Variants in ZNF160 observed in about 807,000 individuals in gnomAD.
The protein encoded by ZNF160 is KRAB zinc finger protein KR18.
A neutral mutation model predicts 13.1 loss-of-function variants in ZNF160; 9 were observed. The observed-to-expected ratio is 0.69, with a 90% CI of 0.41 to 1.20. The LOEUF (loss-of-function observed/expected upper bound fraction) is 1.20, where lower values mean the gene tolerates loss of function less well. Among genes scored for constraint, ZNF160 ranks in the 50% most tolerant of loss-of-function variants. The pLI is 0.01. For synonymous variants in ZNF160, 293 were observed against 333.2 expected (o/e 0.88, Z 1.31); for missense variants, 838 against 988.0 (o/e 0.85, Z 2.04).
intron 3 of ZNF160, chr19:53,085,375 C>T (rs2084792028): frequency 9.8e-6 from 2 of 204,846 alleles, no homozygotes; most frequent in African/African-American, 2.4e-5. Context: ...AGTGGCTCCC[C>T]ACTAAGATGT....
chr19:53,072,405 G>A (rs79235731), intron 5 of ZNF160, among the ~76,000 whole-genome samples: 1 of 152,126 alleles, frequency 6.6e-6, no homozygotes, highest in Admixed American at 6.5e-5. Context: ...TGGCCTGACA[G>A]TTATATTTCA....
intron 3 of ZNF160, among the ~76,000 whole-genome samples, chr19:53,081,581 T>C (rs1212040883): frequency 1.3e-5 from 2 of 151,930 alleles, no homozygotes; most frequent in East Asian, 1.9e-4. Context: ...ATACCAGGCA[T>C]AATGGCTATT....
At chr19:53,078,154 C>T (rs1303399338) in intron 3 of ZNF160, among the ~76,000 whole-genome samples, 7 of 152,010 alleles carry the variant, frequency 4.6e-5, no homozygotes, top group South Asian at 2.1e-4. Flanking sequence ...GCAGAAGAAT[C>T]GCTTGGACCC....
intron 3 of ZNF160, among the ~76,000 whole-genome samples, chr19:53,084,707 T>G (rs945022911): frequency 6.6e-6 from 1 of 152,136 alleles, no homozygotes; most frequent in Admixed American, 6.6e-5. Context: ...ATGGGTTGCA[T>G]TATCCCCGCA....
chr19:53,077,755 A>C (rs1034638330), intron 3 of ZNF160, among the ~76,000 whole-genome samples: 61 of 151,456 alleles, frequency 4.0e-4, no homozygotes, highest in Middle Eastern at 3.6e-3. Flanking sequence ...AATACTAAAG[A>C]AGCAGATATA....
chr19:53,099,876 G>A (rs1384034278), intron 1 of ZNF160, among the ~76,000 whole-genome samples: 3 of 152,154 alleles, frequency 2.0e-5, no homozygotes, highest in African/African-American at 7.2e-5. Context: ...TGAATTAGAA[G>A]ATGTATCTGA....
chr19:53,075,042 GAA>G lies in ZNF160; in HGVS notation c.142+13_142+14del. 1.2e-6 allele frequency: 2 copies of G among 1,613,996 alleles called. No individual in the cohort carries two copies. The highest frequency in any genetic ancestry group is 1.7e-6 in the Non-Finnish European group (2 of 1,179,920). On this transcript the variant is annotated intron_variant, in intron 4 of 5. Transcript: ENST00000683776. ...CAAGAACAGATCTTGACTTCTGGAA[GAA>G]AGTCATCCTCACCCAGAGAAACAAG...
At chr19:53,096,019 A>C (rs1043271241) in intron 1 of ZNF160, among the ~76,000 whole-genome samples, 1 of 152,156 alleles carries the variant, frequency 6.6e-6, no homozygotes, top group African/African-American at 2.4e-5. Flanking sequence ...GGAGTTCAAG[A>C]CCAGCTGACC....
Position 53,095,858 on chromosome 19 carries a change from T to TA in ZNF160, c.-353-4139dup, listed in dbSNP as rs1380455252. The TA allele has an allele frequency of 3.9e-5, 6 of 152,224 alleles. No homozygotes were observed. In the East Asian group the frequency reaches 9.7e-4, roughly 25 times the overall value. The allele number at this position is 152,224 out of a possible 1,614,324, so 9.4% of individuals were successfully genotyped here. A position where few individuals can be genotyped will look rare whatever the true frequency, so the allele number is the denominator to read the frequency against. ...TAACAGTAAATAATAATAGCAACATTAAATGAAATATTAGTATTGCTAAAA... is the reference window on the plus strand; with the variant it reads ...TAACAGTAAATAATAATAGCAACATTAAAATGAAATATTAGTATTGCTAAAA... On this transcript the variant is annotated intron_variant, in intron 1 of 5. Transcript: ENST00000683776.
chr19:53,084,608 G>A (rs376954955), intron 3 of ZNF160, among the ~76,000 whole-genome samples: 11 of 152,276 alleles, frequency 7.2e-5, no homozygotes, highest in African/African-American at 2.4e-4. Flanking sequence ...AGAAAATGGA[G>A]CAAAGTATAA....
rs199755808 is a variant in ZNF160 at position 53,069,035 on chromosome 19, C to T, written c.1499G>A (p.Arg500Gln). Reference sequence around the variant, plus strand: ...AGGTTTCTCTCCAGTATGAATTCTTCGATGATTTGCAAGTTGTGAATTTTG... The same window carrying T: ...AGGTTTCTCTCCAGTATGAATTCTTTGATGATTTGCAAGTTGTGAATTTTG... ...FTQNSQLANH[R>Q]RIHTGEKPYK... Residue 500 changes from arginine (R) to glutamine (Q), a missense_variant, in exon 6 of 6, where the codon CGA becomes CAA. Coordinates refer to ENST00000683776, the MANE Select transcript of ZNF160 (RefSeq NM_001322131.2). This position sits in a 1 kb window ranked among gnomAD's most constrained non-coding sequence, Gnocchi z 4.4. 214 of 1,614,098 alleles carry T rather than the reference C, an allele frequency of 1.3e-4. No homozygotes were observed. The East Asian group carries it at 2.6e-3, about 20-fold the overall frequency.
intron 1 of ZNF160, among the ~76,000 whole-genome samples, chr19:53,096,118 G>A (rs730192): frequency 6.6e-6 from 1 of 152,068 alleles, no homozygotes; most frequent in African/African-American, 2.4e-5. Context: ...ACTCCAGAGG[G>A]TGAGGCAGGA....
At chr19:53,090,664 G>A (rs2084999793) in intron 2 of ZNF160, among the ~76,000 whole-genome samples, 1 of 152,158 alleles carries the variant, frequency 6.6e-6, no homozygotes, top group Non-Finnish European at 1.5e-5. Context: ...TGAGGGGGAG[G>A]CCTGCAGGAT....
chr19:53,102,214 A>T (rs1298149048), intron 1 of ZNF160, among the ~76,000 whole-genome samples: 2 of 151,334 alleles, frequency 1.3e-5, no homozygotes, highest in Admixed American at 6.6e-5. Flanking sequence ...CCCAATCTCC[A>T]TCTATTTCTG....
rs751749986 is a variant in ZNF160, at chr19:53,068,590, A to T, written c.1944T>A (p.Pro648=). The change falls in exon 6 of 6, where the codon CCT becomes CCA. Residue 648 remains proline, a synonymous_variant. Coordinates refer to ENST00000683776, the MANE Select transcript of ZNF160 (RefSeq NM_001322131.2). Reference sequence around the variant, plus strand: ...CTTTCCCACACTCATTACACTTGTAAGGTTTCTCTCCAGTATGAATTCGCC... The same window carrying T: ...CTTTCCCACACTCATTACACTTGTATGGTTTCTCTCCAGTATGAATTCGCC... The part of the protein sequence containing the change: ...THRRIHTGEK[P]YKCNECGKAF... The T allele has an allele frequency of 2.5e-6, 4 of 1,614,010 alleles. No individual in the cohort carries two copies. The Admixed American group carries it at 6.7e-5, about 27-fold the overall frequency.
intron 2 of ZNF160, among the ~76,000 whole-genome samples, 189 bp from the exon 3 acceptor site, chr19:53,086,510 A>C (rs1411353253): frequency 6.6e-6 from 1 of 152,152 alleles, no homozygotes; most frequent in Non-Finnish European, 1.5e-5. Flanking sequence ...CTACAGGAAG[A>C]AGTGAGTTTC....
intron 1 of ZNF160, among the ~76,000 whole-genome samples, chr19:53,102,377 C>T (rs941872347): frequency 1.3e-5 from 2 of 152,170 alleles, no homozygotes; most frequent in African/African-American, 4.8e-5. Flanking sequence ...CACCAGCTGT[C>T]CCCTCCAGCT....
chr19:53,099,440 G>A (rs1027934227), intron 1 of ZNF160, among the ~76,000 whole-genome samples: 1 of 152,190 alleles, frequency 6.6e-6, no homozygotes, highest in Admixed American at 6.5e-5. Flanking sequence ...GGCCCTGGAC[G>A]CAGGGCTGTG....
intron 5 of ZNF160, chr19:53,073,278 T>G: frequency 6.4e-7 from 1 of 1,552,018 alleles, no homozygotes; most frequent in Non-Finnish European, 8.7e-7. Context: ...CATGTAAGAC[T>G]GAGGATCAAT....
Sources: allele counts gnomAD v4.1 joint callset (sites outside exome capture counted in the v4.1 genomes callset), GRCh38; gene constraint gnomAD v4.1.1; non-coding constraint Gnocchi (gnomAD v3.1); transcripts MANE v1.5; gene names NCBI Gene and HGNC (gene_info 2026-07-23, HGNC 2026-07-21).